The following ARMC9 variants were observed in gnomAD, a reference collection of about 807,000 sequenced individuals.
ARMC9 encodes the protein armadillo repeat containing 9.
A neutral mutation model predicts 107.0 loss-of-function variants in ARMC9; 94 were observed. The ratio of observed to expected loss-of-function variants is 0.88; its 90% CI spans 0.74 to 1.04. The LOEUF is 1.04. Among genes scored for constraint, ARMC9 ranks in the 50% least tolerant of loss-of-function variants. The pLI is 0.00. For missense variants in ARMC9, 942 were observed against 1,030.1 expected, an observed-to-expected ratio of 0.91 and a Z score of 1.17; for synonymous variants, 380 against 396.9, an observed-to-expected ratio of 0.96 and a Z score of 0.51.
chr2:231,219,927 C>T (rs979425711), intron 5 of ARMC9, among the ~76,000 whole-genome samples: 3 of 152,154 alleles, frequency 2.0e-5, no homozygotes, highest in African/African-American at 7.2e-5. Flanking sequence ...ACCTCCTGGG[C>T]TCAAGTGATC....
At chr2:231,253,057 A>G (rs1464582805) in intron 9 of ARMC9, among the ~76,000 whole-genome samples, 1 of 152,186 alleles carries the variant, frequency 6.6e-6, no homozygotes, top group Admixed American at 6.5e-5. Flanking sequence ...ATAAAAACAT[A>G]CATGCATGGT....
At chr2:231,339,552 T>C (rs1220446648) in intron 20 of ARMC9, among the ~76,000 whole-genome samples, 3 of 152,156 alleles carry the variant, frequency 2.0e-5, no homozygotes, top group Admixed American at 6.5e-5. Context: ...TCCTCCTGCC[T>C]CAGCCTCTCA....
chr2:231,268,706 T>A (rs1177945430), intron 12 of ARMC9, among the ~76,000 whole-genome samples: 1 of 152,178 alleles, frequency 6.6e-6, no homozygotes, highest in Non-Finnish European at 1.5e-5. Context: ...TGTAAATAAT[T>A]TTCCTTCAGA....
chr2:231,357,976 G>A (rs1006784909), intron 22 of ARMC9, among the ~76,000 whole-genome samples: 5 of 152,250 alleles, frequency 3.3e-5, no homozygotes, highest in Non-Finnish European at 5.9e-5. Context: ...CCTTTGCCAC[G>A]CTTGGAGTAG....
chr2:231,297,144 G>T lies in ARMC9; in HGVS notation c.1773+891G>T, dbSNP rs1232472672. Among the ~76,000 whole-genome samples, 2 of 152,232 alleles carry T rather than the reference G, an allele frequency of 1.3e-5. 1 individual carries two copies. The highest frequency in any genetic ancestry group is 2.9e-5 in the Non-Finnish European group (2 of 68,036). ...TAAGAGCCCCTGCCAGAGAGGATCTGCTAAGATCTGCTGGGAGATGCTTCC... is the reference window on the plus strand; with the variant it reads ...TAAGAGCCCCTGCCAGAGAGGATCTTCTAAGATCTGCTGGGAGATGCTTCC... On this transcript the variant is annotated intron_variant, in intron 19 of 24. Transcript: ENST00000611582. The surrounding 1 kb of genome is among the most constrained non-coding windows in gnomAD (Gnocchi z 4.2).
chr2:231,229,665 A>G (rs1185570303), intron 7 of ARMC9, among the ~76,000 whole-genome samples: 2 of 152,242 alleles, frequency 1.3e-5, no homozygotes, highest in Non-Finnish European at 2.9e-5. Flanking sequence ...ACTCATATTC[A>G]TAAGTTACAT....
chr2:231,291,212 C>A (rs1444886949), intron 17 of ARMC9, 141 bp from the exon 18 acceptor site: 2 of 631,720 alleles, frequency 3.2e-6, no homozygotes, highest in Non-Finnish European at 5.7e-6. Context: ...ATATCTGTCT[C>A]CTCTTCTCTG....
intron 1 of ARMC9, among the ~76,000 whole-genome samples, chr2:231,199,983 C>G (rs1029257563): frequency 1.5e-4 from 23 of 152,160 alleles, no homozygotes; most frequent in Non-Finnish European, 1.5e-5. Context: ...CAGGTGTGAG[C>G]CACTGTGCCT....
intron 19 of ARMC9, among the ~76,000 whole-genome samples, chr2:231,308,040 A>G (rs1056977463): frequency 6.6e-6 from 1 of 152,210 alleles, no homozygotes. Flanking sequence ...CAAAGCTGGA[A>G]GGATGAATTG....
chr2:231,254,068 CG>C (rs1425109445), intron 9 of ARMC9, among the ~76,000 whole-genome samples: 1 of 151,942 alleles, frequency 6.6e-6, no homozygotes, highest in East Asian at 1.9e-4. Flanking sequence ...AGCTGGCTCT[CG>C]GGGAACAACA....
intron 10 of ARMC9, among the ~76,000 whole-genome samples, chr2:231,258,326 C>T (rs1178288063): frequency 2.0e-5 from 3 of 152,078 alleles, no homozygotes; most frequent in African/African-American, 7.2e-5. Flanking sequence ...GGACTACAGG[C>T]GCGTGTCACT....
rs754385274 is a variant in ARMC9 at position 231,256,601 on chromosome 2, C to T, written c.895C>T (p.Arg299Ter). The change falls in exon 10 of 25, where the codon CGA (arginine) becomes TGA (stop). Residue 299 changes from arginine to a stop codon, truncating the protein, a stop_gained. Coordinates refer to ENST00000611582, the MANE Select transcript of ARMC9 (RefSeq NM_001352754.2). LOFTEE classifies it high-confidence loss of function. ...TRPGTASTMLRASLAPVKLKD... is the reference protein window; with the variant it reads ...TRPGTASTML ...TTCCCCCCAGGCATCCACCATGTTA[C>T]GAGCCTCCTTGGCACCCGTGTAAGT... The T allele has an allele frequency of 8.7e-6, 14 of 1,613,916 alleles. No homozygotes were observed. The highest frequency in any genetic ancestry group is 6.7e-5 in the East Asian group (3 of 44,890).
At chr2:231,262,268 G>C (rs1316380695) in intron 11 of ARMC9, 38 bp from the exon 12 acceptor site, 21 of 1,595,278 alleles carry the variant, frequency 1.3e-5, no homozygotes, top group Non-Finnish European at 1.8e-5. Context: ...TCCATGATAA[G>C]ACTTAGGTCT....
chr2:231,269,401 T>C (rs966894841), intron 12 of ARMC9, among the ~76,000 whole-genome samples: 16 of 144,056 alleles, frequency 1.1e-4, no homozygotes, highest in East Asian at 4.0e-4. Flanking sequence ...TCTTCTTCTT[T>C]TTTTTTTTTT....
At chr2:231,345,965 C>G (rs112388463) in intron 21 of ARMC9, among the ~76,000 whole-genome samples, 1 of 152,174 alleles carries the variant, frequency 6.6e-6, no homozygotes, top group Non-Finnish European at 1.5e-5. Context: ...TGTGCTGCCA[C>G]GGACACCAGG....
intron 19 of ARMC9, among the ~76,000 whole-genome samples, chr2:231,308,307 G>A (rs967763111): frequency 6.6e-6 from 1 of 152,176 alleles, no homozygotes; most frequent in African/African-American, 2.4e-5. Flanking sequence ...CCCATTTTAT[G>A]GATAAGAAAA....
chr2:231,272,172 G>A (rs1030032949), intron 13 of ARMC9, among the ~76,000 whole-genome samples: 2 of 146,776 alleles, frequency 1.4e-5, no homozygotes, highest in Admixed American at 6.8e-5. Context: ...GGTTTTGTGT[G>A]TGTGTGTGTG....
chr2:231,352,210 C>T (rs1406135841), intron 21 of ARMC9, among the ~76,000 whole-genome samples: 1 of 152,180 alleles, frequency 6.6e-6, no homozygotes, highest in South Asian at 2.1e-4. Context: ...AATCCTCCTA[C>T]CTCAGCCTTC....
chr2:231,217,323 C>T (rs1370260145), intron 5 of ARMC9, among the ~76,000 whole-genome samples: 2 of 152,192 alleles, frequency 1.3e-5, no homozygotes, highest in East Asian at 1.9e-4. Context: ...GTGGCTTACA[C>T]GTGTAATCCC....
Sources: allele counts gnomAD v4.1 joint callset (sites outside exome capture counted in the v4.1 genomes callset), GRCh38; gene constraint gnomAD v4.1.1; non-coding constraint Gnocchi (gnomAD v3.1); transcripts MANE v1.5; gene names NCBI Gene and HGNC (gene_info 2026-07-23, HGNC 2026-07-21).